Variants in MFAP4 observed in about 807,000 individuals in gnomAD.
MFAP4 encodes microfibril associated protein 4.
Under a neutral mutation model 32.4 loss-of-function variants are expected in MFAP4, and 20 were observed. The observed-to-expected ratio is 0.62, with a 90% CI of 0.43 to 0.90. The LOEUF (loss-of-function observed/expected upper bound fraction) is 0.90, where lower values mean the gene tolerates loss of function less well. Among genes scored for constraint, MFAP4 ranks in the 40% least tolerant of loss-of-function variants. The probability of loss-of-function intolerance (pLI) is 0.00; values close to 1 mark genes in which losing one functional copy is unlikely to be tolerated. For missense variants in MFAP4, 267 were observed against 329.5 expected (o/e 0.81, Z 1.47); for synonymous variants, 146 against 137.4 (o/e 1.06, Z -0.44).
At position 19,384,387 on chromosome 17, in the gene MFAP4, CAG is replaced by C. The variant is rs1912942927; in HGVS notation, c.*73_*74del. ...CTCGGGAATCAGCAGAAGCATGCAT[CAG>C]GGGCAGCAGAGGGAGCACTCATGGA... On this transcript the variant is annotated 3_prime_UTR_variant, in exon 6 of 6. Coordinates refer to ENST00000299610, the MANE Select transcript of MFAP4 (RefSeq NM_002404.3). 1.3e-6 allele frequency: 2 copies of C among 1,489,846 alleles called. No homozygotes were observed. The highest frequency in any genetic ancestry group is 4.2e-5 in the Admixed American group (2 of 47,938). The allele number at this position is 1,489,846 out of a possible 1,614,324, so 92.3% of individuals were successfully genotyped here.
Position 19,385,298 on chromosome 17 carries a change from GC to G in MFAP4, c.338-18del. On this transcript the variant is annotated intron_variant, in intron 4 of 5. Coordinates refer to ENST00000299610, the MANE Select transcript of MFAP4 (RefSeq NM_002404.3). ...TCTGCAGCCCTGGGGAGGAGGGGCAGCTGGTCAACAAGGACCTGGCCCTGGG... is the reference window on the plus strand; with the variant it reads ...TCTGCAGCCCTGGGGAGGAGGGGCAGTGGTCAACAAGGACCTGGCCCTGGG... 1 of 1,614,218 alleles carries G rather than the reference GC, an allele frequency of 6.2e-7. No individual in the cohort carries two copies. The highest frequency in any genetic ancestry group is 8.5e-7 in the Non-Finnish European group (1 of 1,180,008).
At chr17:19,385,789 C>T (rs774873697) in intron 3 of MFAP4, among the ~76,000 whole-genome samples, 42 of 152,340 alleles carry the variant, frequency 2.8e-4, no homozygotes, top group Middle Eastern at 3.4e-3. Context: ...TTTAGTTCCT[C>T]ACTACTTCCC....
At chr17:19,386,899 CTT>C (rs1185315816) in intron 1 of MFAP4, 61 bp from the exon 2 acceptor site, 13 of 1,515,774 alleles carry the variant, frequency 8.6e-6, no homozygotes, top group Non-Finnish European at 1.1e-5. Flanking sequence ...CCCCTGTTCT[CTT>C]TGCATTTGCC....
chr17:19,385,488 G>T, intron 3 of MFAP4, 34 bp from the exon 4 acceptor site: 1 of 1,596,362 alleles, frequency 6.3e-7, no homozygotes, highest in African/African-American at 1.3e-5. Flanking sequence ...GATCATCAAG[G>T]GTCCAATGGG....
Position 19,384,566 on chromosome 17 carries a change from G to T in MFAP4, c.664C>A (p.Leu222Ile). The change falls in exon 6 of 6, where the codon CTA (leucine) becomes ATA (isoleucine). Residue 222 changes from leucine to isoleucine, a missense_variant. Around this residue, in one of 3 missense-constraint regions of MFAP4, gnomAD observed 25 missense variants for 57.5 expected, o/e 0.43. Coordinates refer to ENST00000299610, the MANE Select transcript of MFAP4 (RefSeq NM_002404.3). ...GCATAAGAGAGGTGGGAGCCACCTAGGTAGAAGCCATTGAGGTTGGCAAAG... is the reference window on the plus strand; with the variant it reads ...GCATAAGAGAGGTGGGAGCCACCTATGTAGAAGCCATTGAGGTTGGCAAAG... ...CHFANLNGFY[L>I]GGSHLSYANG... 6.2e-7 allele frequency: 1 copy of T among 1,614,156 alleles called. No homozygotes were observed. The highest frequency in any genetic ancestry group is 8.5e-7 in the Non-Finnish European group (1 of 1,180,008).
rs1377214993 is a variant in MFAP4, at chr17:19,383,652, A to T, written c.*810T>A. On this transcript the variant is annotated 3_prime_UTR_variant, in exon 6 of 6. Transcript: ENST00000299610. Reference sequence around the variant, plus strand: ...TAAACAAATATGTTTGTGTGTATGAAGCCAGTTCATTCAGGTTCTGAAGGT... The same window carrying T: ...TAAACAAATATGTTTGTGTGTATGATGCCAGTTCATTCAGGTTCTGAAGGT... The T allele has an allele frequency of 6.4e-6, 1 of 155,676 alleles. No homozygotes were observed. The highest frequency in any genetic ancestry group is 2.4e-5 in the African/African-American group (1 of 41,486). 9.6% of individuals were successfully genotyped at this position (155,676 alleles called of 1,614,324 possible).
At position 19,384,329 on chromosome 17, in the gene MFAP4, A is replaced by G; in HGVS notation, c.*133T>C. 8.9e-7 allele frequency: 1 copy of G among 1,126,328 alleles called. No individual in the cohort carries two copies. The highest frequency in any genetic ancestry group is 1.2e-6 in the Non-Finnish European group (1 of 806,954). The allele number at this position is 1,126,328 out of a possible 1,614,324, so 69.8% of individuals were successfully genotyped here. On this transcript the variant is annotated 3_prime_UTR_variant, in exon 6 of 6. Coordinates refer to ENST00000299610, the MANE Select transcript of MFAP4 (RefSeq NM_002404.3). The stretch of plus-strand genomic sequence containing the variant: ...GTGTGACAGGGATGTGGCATGGCTG[A>G]GAGCCACAAGGCCCCCTTGTAAGGA...
intron 5 of MFAP4, 140 bp downstream of exon 5, chr17:19,384,959 C>T: frequency 1.6e-6 from 2 of 1,218,828 alleles, no homozygotes; most frequent in Non-Finnish European, 2.3e-6. Flanking sequence ...CTGGTTTGAG[C>T]TTGTTTGGAG....
chr17:19,386,972 T>TGCCGGGGGGGCCCCCCCCCCCC, intron 1 of MFAP4, 134 bp from the exon 2 acceptor site: 1 of 937,010 alleles, frequency 1.1e-6, no homozygotes, highest in Non-Finnish European at 1.7e-6. Context: ...TGGCCCCTCT[T>TGCCGGGGGGGCCCCCCCCCCCC]CCCTGCCCCC....
intron 1 of MFAP4, 139 bp from the exon 2 acceptor site, chr17:19,386,977 G>GGGCCCCCCCCCCCC: frequency 2.9e-6 from 2 of 689,296 alleles, no homozygotes; most frequent in Non-Finnish European, 4.7e-6. Context: ...CCTCTTCCCT[G>GGGCCCCCCCCCCCC]CCCCCCCACC....
In MFAP4 at chr17:19,387,018, C is replaced by A. The variant is rs192321428; in HGVS notation, c.6+132G>T. 4.7e-6 allele frequency: 5 copies of A among 1,071,102 alleles called. No homozygotes were observed. The Admixed American group carries it at 1.1e-4, about 24-fold the overall frequency. The allele number at this position is 1,071,102 out of a possible 1,614,324, so 66.3% of individuals were successfully genotyped here. A position where few individuals can be genotyped will look rare whatever the true frequency, so the allele number is the denominator to read the frequency against. ...CGCCAAGTAACCCCACTCTCTGGGA[C>A]GCTGTGTACCCTCATAGCTTACGAG... is the stretch of plus-strand genomic sequence containing the variant. On this transcript the variant is annotated intron_variant, in intron 1 of 5. Transcript: ENST00000299610.
Position 19,386,761 on chromosome 17 carries a change from A to G in MFAP4, c.84T>C (p.Asp28=), listed in dbSNP as rs1913050592. 1.9e-6 allele frequency: 3 copies of G among 1,570,056 alleles called. No individual in the cohort carries two copies. The highest frequency in any genetic ancestry group is 2.6e-6 in the Non-Finnish European group (3 of 1,157,606). Residue 28 remains aspartate (D), a splice_region_variant and synonymous_variant, in exon 2 of 6, where the codon GAT becomes GAC. Coordinates refer to ENST00000299610, the MANE Select transcript of MFAP4 (RefSeq NM_002404.3). ...CAPQVSGIRG[D]ALERFCLQQP... ...GTCTGTGAGTGTGGGGCTGCTTACCATCTCCTCGGATCCCGGAGACCTGGG... is the reference window on the plus strand; with the variant it reads ...GTCTGTGAGTGTGGGGCTGCTTACCGTCTCCTCGGATCCCGGAGACCTGGG...
chr17:19,386,736 G>C, intron 2 of MFAP4, 24 bp downstream of exon 2: 1 of 1,558,838 alleles, frequency 6.4e-7, no homozygotes, highest in Non-Finnish European at 8.7e-7. Flanking sequence ...GCCAGGCCGC[G>C]TCTGTGAGTG....
chr17:19,385,314 C>G (rs760656310), intron 4 of MFAP4, 33 bp from the exon 5 acceptor site: 1 of 1,614,264 alleles, frequency 6.2e-7, no homozygotes, highest in East Asian at 2.2e-5. Flanking sequence ...CAACAAGGAC[C>G]TGGCCCTGGG....
In MFAP4 at chr17:19,384,036, C is replaced by G. The variant is rs1476756347; in HGVS notation, c.*426G>C. 1 of 241,888 alleles carries G rather than the reference C, an allele frequency of 4.1e-6. No homozygotes were observed. The highest frequency in any genetic ancestry group is 8.3e-6 in the Non-Finnish European group (1 of 120,096). 15.0% of individuals were successfully genotyped at this position (241,888 alleles called of 1,614,324 possible). On this transcript the variant is annotated 3_prime_UTR_variant, in exon 6 of 6. Transcript: ENST00000299610. ...GAATACACCATGGGCCCTGTTCACA[C>G]TGCACTGCTCAGCTTAGCACACTAG...
At chr17:19,385,049 C>T (rs1912974631) in intron 5 of MFAP4, 50 bp downstream of exon 5, 1 of 1,583,474 alleles carries the variant, frequency 6.3e-7, no homozygotes, top group Non-Finnish European at 8.6e-7. Context: ...AGGGCCAGCC[C>T]TGCCTTCTTT....
Position 19,385,622 on chromosome 17 carries a change from C to T in MFAP4, c.241-168G>A, listed in dbSNP as rs573523573. 1.2e-4 allele frequency among the ~76,000 whole-genome samples: 19 copies of T among 152,148 alleles called. No individual in the cohort carries two copies. In the East Asian group the frequency reaches 3.7e-3, roughly 29 times the overall value. On this transcript the variant is annotated intron_variant, in intron 3 of 5. Coordinates refer to ENST00000299610, the MANE Select transcript of MFAP4 (RefSeq NM_002404.3). ...AGTGGGGTTGCTAAAACAACGTCCA[C>T]ATTGGCACCAGGCCCCCTGTGGAGC...
Position 19,384,233 on chromosome 17 carries a change from T to C in MFAP4, c.*229A>G, listed in dbSNP as rs1912937491. Reference sequence around the variant, plus strand: ...AACCATGTGCCTCTCGGAAGAGGCCTGGGGAACTGCTGGCAGTGTAACTTC... The same window carrying C: ...AACCATGTGCCTCTCGGAAGAGGCCCGGGGAACTGCTGGCAGTGTAACTTC... On this transcript the variant is annotated 3_prime_UTR_variant, in exon 6 of 6. Coordinates refer to ENST00000299610, the MANE Select transcript of MFAP4 (RefSeq NM_002404.3). 1.8e-6 allele frequency: 1 copy of C among 553,190 alleles called. No homozygotes were observed. The highest frequency in any genetic ancestry group is 1.9e-5 in the African/African-American group (1 of 52,918). The allele number at this position is 553,190 out of a possible 1,614,324, so 34.3% of individuals were successfully genotyped here. A position where few individuals can be genotyped will look rare whatever the true frequency, so the allele number is the denominator to read the frequency against.
chr17:19,386,814 G>A lies in MFAP4; in HGVS notation c.31C>T (p.Leu11=). 6.4e-7 allele frequency: 1 copy of A among 1,570,484 alleles called. No homozygotes were observed. Among genetic ancestry groups the A allele is most frequent in the Non-Finnish European group, 8.6e-7 (1 of 1,157,728 alleles). MKALLALPLL[L]LLSTPPCAPQ... ...GCACACGGGGGCGTGGAGAGAAGCAGCAGCAGCGGCAGGGCCAGGAGTGCC... is the reference window on the plus strand; with the variant it reads ...GCACACGGGGGCGTGGAGAGAAGCAACAGCAGCGGCAGGGCCAGGAGTGCC... The change falls in exon 2 of 6, where the codon CTG becomes TTG. Residue 11 remains leucine, a synonymous_variant. Transcript: ENST00000299610.
Sources: allele counts gnomAD v4.1 joint callset (sites outside exome capture counted in the v4.1 genomes callset), GRCh38; gene constraint gnomAD v4.1.1; regional missense constraint gnomAD v4.1.1; transcripts MANE v1.5; gene names NCBI Gene and HGNC (gene_info 2026-07-23, HGNC 2026-07-21).